ADARB2: variants seen among roughly 807,000 people sequenced by gnomAD.
ADARB2 encodes inactive double-stranded RNA-specific editase B2.
ADARB2 carries 25 observed loss-of-function variants against 62.2 expected under a neutral mutation model. The observed-to-expected ratio is 0.40, with a 90% CI of 0.29 to 0.56. The LOEUF is 0.56. Among genes scored for constraint, ADARB2 ranks in the 20% least tolerant of loss-of-function variants. The pLI, the probability that ADARB2 is intolerant of heterozygous loss-of-function variation, is 0.43. For synonymous variants in ADARB2, 572 were observed against 500.8 expected (o/e 1.14, Z -1.90); for missense variants, 1,071 against 1,077.4 (o/e 0.99, Z 0.08).
In ADARB2 at chr10:1,319,125, A is replaced by G. The variant is rs79117141; in HGVS notation, c.1077+43903T>C. Among the ~76,000 whole-genome samples, 512 of 152,322 alleles carry G rather than the reference A, an allele frequency of 3.4e-3. 2 individuals are homozygous for G. Among genetic ancestry groups the G allele is most frequent in the African/African-American group, 0.012 (489 of 41,570 alleles). On this transcript the variant is annotated intron_variant, in intron 3 of 9. Coordinates refer to ENST00000381312, the MANE Select transcript of ADARB2 (RefSeq NM_018702.4). ...CAGAGTGAAGAATAAGGCCAGATCT[A>G]TAGGATGGGGCTGGTGTCTTAGGAA...
At chr10:1,362,983 G>A (rs1832274388) in intron 3 of ADARB2, 45 bp downstream of exon 3, 1 of 1,275,652 alleles carries the variant, frequency 7.8e-7, no homozygotes, top group Non-Finnish European at 9.9e-7. Context: ...TCTCCCCCGC[G>A]CCCCCAGCGC....
intron 7 of ADARB2, 26 bp from the exon 8 acceptor site, chr10:1,200,173 G>T (rs955648655): frequency 6.5e-7 from 1 of 1,550,362 alleles, no homozygotes; most frequent in Admixed American, 2.0e-5. Flanking sequence ...GCAGTCAGCG[G>T]AGCCCCACCC....
chr10:1,428,841 T>A (rs2820653), intron 1 of ADARB2, among the ~76,000 whole-genome samples: 148,396 of 151,950 alleles, frequency 0.98, 72,553 homozygotes, highest in Non-Finnish European at 1. Context: ...ACACACGCAA[T>A]CCCACACACA....
At chr10:1,379,261 G>T in intron 1 of ADARB2, 101 bp from the exon 2 acceptor site, 2 of 950,228 alleles carry the variant, frequency 2.1e-6, no homozygotes, top group Non-Finnish European at 3.4e-6. Context: ...AAGGGAGGTG[G>T]AGAGGTCACT....
Position 1,197,439 on chromosome 10 carries a change from A to G in ADARB2, c.1864+2527T>C, listed in dbSNP as rs78823105. 9.8e-5 allele frequency among the ~76,000 whole-genome samples: 15 copies of G among 152,346 alleles called. No individual in the cohort carries two copies. In the East Asian group the frequency reaches 2.5e-3, roughly 25 times the overall value. On this transcript the variant is annotated intron_variant, in intron 8 of 9. Coordinates refer to ENST00000381312, the MANE Select transcript of ADARB2 (RefSeq NM_018702.4). ...TACGTATCTAACTTCTTTTCTGACA[A>G]ATGGTTTTGCTGTGAAACATGGATG...
chr10:1,395,559 G>C (rs2247846), intron 1 of ADARB2, among the ~76,000 whole-genome samples: 7,423 of 152,296 alleles, frequency 0.049, 636 homozygotes, highest in African/African-American at 0.17. Context: ...CCAGCGGGGC[G>C]TCTGCTCCCT....
At chr10:1,238,758 GCCTCCCGGTGTTTACTCCCCTCTC>G (rs1830885085) in intron 5 of ADARB2, among the ~76,000 whole-genome samples, 1 of 478 alleles carries the variant, frequency 2.1e-3, no homozygotes, top group Non-Finnish European at 7.9e-3. Context: ...ACTCCCCTCT[GCCTCCCGGTGTTTACTCCCCTCTC>G]CCTCCCGGTG....
At chr10:1,646,051 A>C (rs1245481653) in intron 1 of ADARB2, among the ~76,000 whole-genome samples, 1 of 152,204 alleles carries the variant, frequency 6.6e-6, no homozygotes, top group Admixed American at 6.5e-5. Flanking sequence ...GATGGCACCC[A>C]GTCTGATGCA....
intron 3 of ADARB2, among the ~76,000 whole-genome samples, chr10:1,347,649 G>T (rs766642620): frequency 6.6e-6 from 1 of 152,152 alleles, no homozygotes; most frequent in Non-Finnish European, 1.5e-5. Context: ...CATCGGCTAC[G>T]AGACCCTCAG....
chr10:1,609,190 A>C lies in ADARB2; in HGVS notation c.100+127861T>G, dbSNP rs575531853. Among the ~76,000 whole-genome samples the C allele has an allele frequency of 9.8e-5, 15 of 152,346 alleles. No individual in the cohort carries two copies. In the South Asian group the frequency reaches 2.9e-3, roughly 29 times the overall value. On this transcript the variant is annotated intron_variant, in intron 1 of 9. Coordinates refer to ENST00000381312, the MANE Select transcript of ADARB2 (RefSeq NM_018702.4). ...CGCTCAGCTCACAGGCGGGATGGGAATGTGCCGCAGGGCTGCTGCCTCACA... is the reference window on the plus strand; with the variant it reads ...CGCTCAGCTCACAGGCGGGATGGGACTGTGCCGCAGGGCTGCTGCCTCACA...
At chr10:1,197,725 A>G (rs1294269991) in intron 8 of ADARB2, among the ~76,000 whole-genome samples, 1 of 152,256 alleles carries the variant, frequency 6.6e-6, no homozygotes, top group African/African-American at 2.4e-5. Flanking sequence ...GTGTGGACTA[A>G]GAAATTAATC....
chr10:1,428,872 CACACACACGG>C (rs960569726), intron 1 of ADARB2, among the ~76,000 whole-genome samples: 14 of 151,224 alleles, frequency 9.3e-5, no homozygotes, highest in South Asian at 2.1e-4. Flanking sequence ...CGGACACACA[CACACACACGG>C]ACACACACAC....
At position 1,262,967 on chromosome 10, in the gene ADARB2, C is replaced by T. The variant is rs905583902; in HGVS notation, c.1192+7988G>A. Among the ~76,000 whole-genome samples, 4 of 152,132 alleles carry T rather than the reference C, an allele frequency of 2.6e-5. No individual in the cohort carries two copies. The East Asian group carries it at 5.8e-4, about 22-fold the overall frequency. On this transcript the variant is annotated intron_variant, in intron 4 of 9. Transcript: ENST00000381312. ...TATGCAGCCATAAAAAATGATAAGT[C>T]TATGTCCTTTGTAGGGACATGGATG...
rs566829741 is a variant in ADARB2, at chr10:1,697,872, A to C, written c.100+39179T>G. ...CGACTTGCTTACTCCGTAACCGTGAATTCATCCCTATTTGAAGGTTCCTCT... is the reference window on the plus strand; with the variant it reads ...CGACTTGCTTACTCCGTAACCGTGACTTCATCCCTATTTGAAGGTTCCTCT... On this transcript the variant is annotated intron_variant, in intron 1 of 9. Coordinates refer to ENST00000381312, the MANE Select transcript of ADARB2 (RefSeq NM_018702.4). Among the ~76,000 whole-genome samples, 10 of 152,320 alleles carry C rather than the reference A, an allele frequency of 6.6e-5. No individual in the cohort carries two copies. In the South Asian group the frequency reaches 1.4e-3, roughly 22 times the overall value.
At chr10:1,495,219 T>C (rs1831671047) in intron 1 of ADARB2, among the ~76,000 whole-genome samples, 1 of 152,232 alleles carries the variant, frequency 6.6e-6, no homozygotes, top group Admixed American at 6.5e-5. Flanking sequence ...ATTTCTTCCA[T>C]TAAAGCACAT....
chr10:1,605,040 A>G (rs1833478044), intron 1 of ADARB2, among the ~76,000 whole-genome samples: 1 of 152,260 alleles, frequency 6.6e-6, no homozygotes, highest in Admixed American at 6.5e-5. Flanking sequence ...AAACCCATTT[A>G]TCTAATAGAG....
intron 1 of ADARB2, among the ~76,000 whole-genome samples, chr10:1,584,593 T>C (rs1564338696): frequency 2.0e-5 from 3 of 152,214 alleles, no homozygotes; most frequent in Non-Finnish European, 2.9e-5. Context: ...TTCTTGGCAT[T>C]TACTCAAAGG....
intron 1 of ADARB2, among the ~76,000 whole-genome samples, chr10:1,597,610 G>GTCAA (rs1210770430): frequency 6.6e-6 from 1 of 152,194 alleles, no homozygotes; most frequent in Non-Finnish European, 1.5e-5. Flanking sequence ...TTATTAAAAA[G>GTCAA]TCAATGAACA....
rs550729305 is a variant in ADARB2 at position 1,352,418 on chromosome 10, G to A, written c.1077+10610C>T. Reference sequence around the variant, plus strand: ...TTCCTTGAAGACAGCTTTAGAGACTGCCGCCACCCTAGCTCTCCCTGACTC... The same window carrying A: ...TTCCTTGAAGACAGCTTTAGAGACTACCGCCACCCTAGCTCTCCCTGACTC... On this transcript the variant is annotated intron_variant, in intron 3 of 9. Transcript: ENST00000381312. 3.9e-5 allele frequency among the ~76,000 whole-genome samples: 6 copies of A among 152,202 alleles called. No homozygotes were observed. In the South Asian group the frequency reaches 1.0e-3, roughly 26 times the overall value.
Sources: allele counts gnomAD v4.1 joint callset (sites outside exome capture counted in the v4.1 genomes callset), GRCh38; gene constraint gnomAD v4.1.1; transcripts MANE v1.5; gene names NCBI Gene and HGNC (gene_info 2026-07-23, HGNC 2026-07-21).